ABHD2: variants seen among roughly 807,000 people sequenced by gnomAD.
The protein encoded by ABHD2 is monoacylglycerol lipase ABHD2.
ABHD2 carries 20 observed loss-of-function variants against 48.1 expected under a neutral mutation model. The ratio of observed to expected loss-of-function variants is 0.42; its 90% CI spans 0.29 to 0.60. ABHD2 has a LOEUF of 0.60. Among genes scored for constraint, ABHD2 ranks in the 20% least tolerant of loss-of-function variants. The pLI is 0.24. For synonymous variants in ABHD2, 209 were observed against 214.2 expected (o/e 0.98, Z 0.21); for missense variants, 405 against 550.9 (o/e 0.74, Z 2.65).
rs2050870183 is a variant in ABHD2 at position 89,168,474 on chromosome 15, C to A, written c.539-7338C>A. On this transcript the variant is annotated intron_variant, in intron 5 of 10. Transcript: ENST00000352732. The surrounding 1 kb of genome is among the most constrained non-coding windows in gnomAD (Gnocchi z 4.8). ...ACATCAGGGGAGGTCCCAGGAGGACCTTCCAGAAGGCTGATCCTGGAGCTG... is the reference window on the plus strand; with the variant it reads ...ACATCAGGGGAGGTCCCAGGAGGACATTCCAGAAGGCTGATCCTGGAGCTG... 6.6e-6 allele frequency among the ~76,000 whole-genome samples: 1 copy of A among 152,198 alleles called. No individual in the cohort carries two copies. The highest frequency in any genetic ancestry group is 1.5e-5 in the Non-Finnish European group (1 of 68,030).
chr15:89,161,920 G>T (rs148637843), intron 5 of ABHD2, among the ~76,000 whole-genome samples: 16 of 152,270 alleles, frequency 1.1e-4, no homozygotes, highest in African/African-American at 3.9e-4. Flanking sequence ...CAGCAGGGTT[G>T]GTTTCTTCTG....
chr15:89,195,621 G>C lies in ABHD2; in HGVS notation c.*198G>C. On this transcript the variant is annotated 3_prime_UTR_variant, in exon 11 of 11. Coordinates refer to ENST00000352732, the MANE Select transcript of ABHD2 (RefSeq NM_152924.5). This position sits in a 1 kb window ranked among gnomAD's most constrained non-coding sequence, Gnocchi z 5.1. ...CAGGCTATTTTTGTGCTTAGTTACT[G>C]GTTTTCTCCATTGCATTGTTAGGCA... 5.4e-6 allele frequency: 3 copies of C among 551,666 alleles called. No homozygotes were observed. Among genetic ancestry groups the C allele is most frequent in the Non-Finnish European group, 9.4e-6 (3 of 317,832 alleles). 34.2% of individuals were successfully genotyped at this position (551,666 alleles called of 1,614,324 possible). A position where few individuals can be genotyped will look rare whatever the true frequency, so the allele number is the denominator to read the frequency against.
Position 89,174,855 on chromosome 15 carries a change from A to G in ABHD2, c.539-957A>G, listed in dbSNP as rs1485438604. Among the ~76,000 whole-genome samples the G allele has an allele frequency of 6.6e-6, 1 of 152,202 alleles. No individual in the cohort carries two copies. Among genetic ancestry groups the G allele is most frequent in the Non-Finnish European group, 1.5e-5 (1 of 68,028 alleles). Reference sequence around the variant, plus strand: ...CTCTTAGCAAAGCTGCTGAGACATAACATGGCTTCAATAACTTCCCAAGGG... The same window carrying G: ...CTCTTAGCAAAGCTGCTGAGACATAGCATGGCTTCAATAACTTCCCAAGGG... On this transcript the variant is annotated intron_variant, in intron 5 of 10. Transcript: ENST00000352732. The surrounding 1 kb of genome is among the most constrained non-coding windows in gnomAD (Gnocchi z 4.1).
At chr15:89,066,613 C>G in the ABHD2 span, among the ~76,000 whole-genome samples, 1 of 152,170 alleles carries the variant, frequency 6.6e-6, no homozygotes, top group Non-Finnish European at 1.5e-5. Context: ...AGGCATTCTC[C>G]TATCATATTT....
intron 2 of ABHD2, among the ~76,000 whole-genome samples, chr15:89,115,814 C>T (rs1034219654): frequency 6.6e-6 from 1 of 152,178 alleles, no homozygotes; most frequent in Non-Finnish European, 1.5e-5. Flanking sequence ...TACAACCACA[C>T]CTGGTGGCAC....
At chr15:89,126,113 C>T (rs1462563927) in intron 3 of ABHD2, among the ~76,000 whole-genome samples, 1 of 152,154 alleles carries the variant, frequency 6.6e-6, no homozygotes, top group East Asian at 1.9e-4. Context: ...CTTCAGGGCC[C>T]TACTATGTCT....
rs1277864577 is a variant in ABHD2 at position 89,193,265 on chromosome 15, G to A, written c.1027G>A (p.Ala343Thr). The part of the protein sequence containing the change: ...IYVPLMLVNA[A>T]DDPLVHESLL... ...TGTTCCTCTCATGCTGGTTAATGCA[G>A]CTGACGATCCGTTGGTGCATGAAAG... is the stretch of plus-strand genomic sequence containing the variant. The change falls in exon 10 of 11, where the codon GCT becomes ACT. Residue 343 changes from alanine (A) to threonine (T), a missense_variant. Coordinates refer to ENST00000352732, the MANE Select transcript of ABHD2 (RefSeq NM_152924.5). 6.2e-7 allele frequency: 1 copy of A among 1,614,184 alleles called. No homozygotes were observed. The highest frequency in any genetic ancestry group is 1.7e-5 in the Admixed American group (1 of 60,026).
intron 3 of ABHD2, among the ~76,000 whole-genome samples, chr15:89,142,528 T>C (rs1427033353): frequency 6.6e-6 from 1 of 152,230 alleles, no homozygotes; most frequent in African/African-American, 2.4e-5. Context: ...TTAGCATGTA[T>C]CTCGTTCTTG....
At chr15:89,059,034 A>G in the ABHD2 span, among the ~76,000 whole-genome samples, 1 of 152,204 alleles carries the variant, frequency 6.6e-6, no homozygotes, top group Non-Finnish European at 1.5e-5. Flanking sequence ...TCATGAAGGA[A>G]GACTAGGAAT....
intron 1 of ABHD2, among the ~76,000 whole-genome samples, chr15:89,098,419 C>T (rs531499121): frequency 6.6e-6 from 1 of 152,278 alleles, no homozygotes; most frequent in African/African-American, 2.4e-5. Context: ...GTGCCAGACA[C>T]TCTGTCCTGA....
At chr15:89,045,201 G>T in the ABHD2 span, among the ~76,000 whole-genome samples, 4 of 151,854 alleles carry the variant, frequency 2.6e-5, no homozygotes, top group Non-Finnish European at 4.4e-5. Context: ...GTTTGTCAAA[G>T]ATCAGATAGT....
chr15:89,194,553 A>T (rs2051363282), intron 10 of ABHD2, among the ~76,000 whole-genome samples: 1 of 152,194 alleles, frequency 6.6e-6, no homozygotes, highest in South Asian at 2.1e-4. Flanking sequence ...GTGCAGCTTT[A>T]AGGATCTTGA....
the ABHD2 span, among the ~76,000 whole-genome samples, chr15:89,050,308 T>C: frequency 2.0e-5 from 3 of 152,104 alleles, no homozygotes; most frequent in Admixed American, 6.6e-5. Flanking sequence ...GGCCTGAGCC[T>C]ATGGAGCAGG....
chr15:89,087,084 G>A (rs1177555159), upstream of ABHD2: 1 of 152,202 alleles, frequency 6.6e-6, no homozygotes, highest in Non-Finnish European at 1.5e-5. The surrounding 1 kb of genome is among the most constrained non-coding windows in gnomAD (Gnocchi z 5.5). Flanking sequence ...GGCCTGAGAA[G>A]CTATTTCTGT....
chr15:89,129,937 A>AT (rs1194113886), intron 3 of ABHD2, among the ~76,000 whole-genome samples: 1 of 152,224 alleles, frequency 6.6e-6, no homozygotes. Flanking sequence ...AAAAGACATA[A>AT]TGTACACGAA....
intron 1 of ABHD2, among the ~76,000 whole-genome samples, chr15:89,111,951 A>ATG (rs1027750587): frequency 5.9e-5 from 9 of 152,008 alleles, no homozygotes; most frequent in African/African-American, 2.2e-4. Context: ...TTATATATAT[A>ATG]TATATTGATT....
chr15:89,077,761 C>G, the ABHD2 span, among the ~76,000 whole-genome samples: 1 of 152,202 alleles, frequency 6.6e-6, no homozygotes, highest in Non-Finnish European at 1.5e-5. Context: ...AGCTCCTTCA[C>G]TGTTTTTCTC....
rs1207210767 is a variant in ABHD2 at position 89,174,754 on chromosome 15, C to G, written c.539-1058C>G. Reference sequence around the variant, plus strand: ...TTCCATGTTAGATTTTAAATTGGCTCCCTACAGAGTTTGAGGTTGGGCCTT... The same window carrying G: ...TTCCATGTTAGATTTTAAATTGGCTGCCTACAGAGTTTGAGGTTGGGCCTT... On this transcript the variant is annotated intron_variant, in intron 5 of 10. Transcript: ENST00000352732. This position sits in a 1 kb window ranked among gnomAD's most constrained non-coding sequence, Gnocchi z 4.1. 6.6e-6 allele frequency among the ~76,000 whole-genome samples: 1 copy of G among 152,182 alleles called. No individual in the cohort carries two copies. The highest frequency in any genetic ancestry group is 1.5e-5 in the Non-Finnish European group (1 of 68,036).
chr15:89,195,649 G>C lies in ABHD2; in HGVS notation c.*226G>C, dbSNP rs544919815. 2.3e-5 allele frequency: 11 copies of C among 478,052 alleles called. No individual in the cohort carries two copies. The South Asian group carries it at 3.3e-4, about 14-fold the overall frequency. 29.6% of individuals were successfully genotyped at this position (478,052 alleles called of 1,614,324 possible). ...TTTCTCCATTGCATTGTTAGGCATG[G>C]TGACAAGTGACAGAGTTCTTGCCCT... On this transcript the variant is annotated 3_prime_UTR_variant, in exon 11 of 11. Transcript: ENST00000352732. The surrounding 1 kb of genome is among the most constrained non-coding windows in gnomAD (Gnocchi z 5.1).
Sources: gnomAD v4.1 joint callset for allele counts (sites outside exome capture counted in the v4.1 genomes callset) on GRCh38, gnomAD v4.1.1 for gene constraint, Gnocchi (gnomAD v3.1) non-coding constraint, MANE v1.5 for transcripts, NCBI Gene and HGNC (gene_info 2026-07-23, HGNC 2026-07-21) for gene names.